TSGA10: variants seen among roughly 807,000 people sequenced by gnomAD.
TSGA10 encodes testis specific 10.
In TSGA10, 43 loss-of-function variants were observed where a neutral mutation model predicts 96.6. That is an observed-to-expected ratio of 0.44 (90% CI 0.35 to 0.57). The LOEUF (loss-of-function observed/expected upper bound fraction) is 0.57. Among genes scored for constraint, TSGA10 ranks in the 20% least tolerant of loss-of-function variants. The pLI is 0.01. For synonymous variants in TSGA10, 229 were observed against 269.9 expected, an observed-to-expected ratio of 0.85 and a Z score of 1.48; for missense variants, 703 against 834.4, an observed-to-expected ratio of 0.84 and a Z score of 1.94.
At chr2:99,094,307 A>G (rs1026714116) in intron 10 of TSGA10, among the ~76,000 whole-genome samples, 1 of 152,196 alleles carries the variant, frequency 6.6e-6, no homozygotes, top group African/African-American at 2.4e-5. Flanking sequence ...ATTATAGAAG[A>G]TAACATTGAA....
chr2:99,009,521 G>C lies in TSGA10; in HGVS notation c.2072+8679C>G, dbSNP rs770081438. Among the ~76,000 whole-genome samples, 3 of 140,016 alleles carry C rather than the reference G, an allele frequency of 2.1e-5. No individual in the cohort carries two copies. The East Asian group carries it at 6.3e-4, about 30-fold the overall frequency. The allele number at this position is 140,016 out of a possible 152,430, so 91.9% of individuals were successfully genotyped here. On this transcript the variant is annotated intron_variant, in intron 20 of 20. Coordinates refer to ENST00000393483, the MANE Select transcript of TSGA10 (RefSeq NM_025244.4). ...TGGGAGGCGGAGCTTGCAGTGAGCCGAGATCGCACCACTGCACTCCAGCCT... is the reference window on the plus strand; with the variant it reads ...TGGGAGGCGGAGCTTGCAGTGAGCCCAGATCGCACCACTGCACTCCAGCCT...
intron 10 of TSGA10, among the ~76,000 whole-genome samples, chr2:99,096,170 A>G (rs1462045830): frequency 6.6e-6 from 1 of 152,274 alleles, no homozygotes; most frequent in East Asian, 1.9e-4. Flanking sequence ...TACATTGTAA[A>G]TTAAAACATT....
In TSGA10 at chr2:99,104,027, C is replaced by G. The variant is rs200308706; in HGVS notation, c.551G>C (p.Arg184Thr). The G allele has an allele frequency of 3.1e-6, 5 of 1,614,040 alleles. No individual in the cohort carries two copies. In the East Asian group the frequency reaches 6.7e-5, roughly 22 times the overall value. ...TTCACTTTCGGTATCCATTGCCTTTCTTGCTAGTGATTTCATTTCTTTTTC... is the reference window on the plus strand; with the variant it reads ...TTCACTTTCGGTATCCATTGCCTTTGTTGCTAGTGATTTCATTTCTTTTTC... ...TVEKEMKSLA[R>T]KAMDTESELG... Residue 184 changes from arginine (R) to threonine (T), a missense_variant, in exon 10 of 21, where the codon AGA (arginine) becomes ACA (threonine). Physicochemically the swap from Arg to Thr is moderately conservative, Grantham distance 71. Coordinates refer to ENST00000393483, the MANE Select transcript of TSGA10 (RefSeq NM_025244.4).
intron 16 of TSGA10, among the ~76,000 whole-genome samples, chr2:99,059,053 T>A (rs1265432511): frequency 1.2e-4 from 14 of 112,070 alleles, no homozygotes; most frequent in African/African-American, 7.1e-4. Context: ...AAAAATAATA[T>A]ATATATATAT....
chr2:99,093,885 A>G (rs2089680977), intron 10 of TSGA10, among the ~76,000 whole-genome samples: 1 of 152,218 alleles, frequency 6.6e-6, no homozygotes, highest in African/African-American at 2.4e-5. Flanking sequence ...CTTTCTTCAC[A>G]GAACTAGAAA....
At chr2:99,072,947 C>T (rs952098694) in intron 13 of TSGA10, 71 bp downstream of exon 13, 5 of 1,067,488 alleles carry the variant, frequency 4.7e-6, no homozygotes, top group Admixed American at 3.8e-5. Context: ...TTGTTTCTTA[C>T]TATCTTTGTA....
intron 2 of TSGA10, among the ~76,000 whole-genome samples, chr2:99,120,499 G>C (rs1008246694): frequency 6.6e-6 from 1 of 152,094 alleles, no homozygotes; most frequent in African/African-American, 2.4e-5. Flanking sequence ...TTCTGTTAAA[G>C]GGACAGAATG....
intron 7 of TSGA10, among the ~76,000 whole-genome samples, chr2:99,108,414 G>C (rs1055123373): frequency 6.6e-6 from 1 of 152,088 alleles, no homozygotes; most frequent in East Asian, 1.9e-4. Context: ...CTAGAAAGCA[G>C]AGATAAACTA....
At position 99,071,790 on chromosome 2, in the gene TSGA10, G is replaced by T; in HGVS notation, c.1023C>A (p.Ala341=). 6.2e-7 allele frequency: 1 copy of T among 1,613,920 alleles called. No individual in the cohort carries two copies. Among genetic ancestry groups the T allele is most frequent in the South Asian group, 1.1e-5 (1 of 91,064 alleles). The change falls in exon 14 of 21, where the codon GCC becomes GCA. Residue 341 remains alanine (A), a synonymous_variant. Coordinates refer to ENST00000393483, the MANE Select transcript of TSGA10 (RefSeq NM_025244.4). Reference sequence around the variant, plus strand: ...AGATATCTCTTTCCCTGGCGATCTGGGCCAGCTCATCATTTGTCTCATCCA... The same window carrying T: ...AGATATCTCTTTCCCTGGCGATCTGTGCCAGCTCATCATTTGTCTCATCCA... The part of the protein sequence containing the change: ...RQLDETNDEL[A]QIARERDILA...
intron 10 of TSGA10, among the ~76,000 whole-genome samples, chr2:99,103,267 G>T (rs943054211): frequency 6.6e-6 from 1 of 151,924 alleles, no homozygotes; most frequent in African/African-American, 2.4e-5. Flanking sequence ...AGATCAACCC[G>T]TCACCTAGAT....
chr2:99,064,762 G>C (rs767928317), intron 16 of TSGA10, among the ~76,000 whole-genome samples, 177 bp downstream of exon 16: 31 of 152,134 alleles, frequency 2.0e-4, no homozygotes, highest in Non-Finnish European at 4.3e-4. Flanking sequence ...TCTGGATGTA[G>C]GGTAGATAAG....
chr2:99,109,368 T>C, intron 6 of TSGA10, 21 bp downstream of exon 6: 2 of 1,612,272 alleles, frequency 1.2e-6, no homozygotes, highest in Middle Eastern at 1.7e-4. Flanking sequence ...TCCAAAATAT[T>C]TGTAAGTTTA....
chr2:99,031,192 C>T (rs2081094898), intron 17 of TSGA10, among the ~76,000 whole-genome samples: 1 of 149,056 alleles, frequency 6.7e-6, no homozygotes, highest in South Asian at 2.1e-4. Context: ...ACAAATATAC[C>T]CAATTGATTT....
intron 2 of TSGA10, chr2:99,125,023 C>T (rs1479853268): frequency 6.6e-6 from 1 of 152,146 alleles, no homozygotes; most frequent in Non-Finnish European, 1.5e-5. Flanking sequence ...TTTCACTCCC[C>T]TAAAAATCCT....
intron 4 of TSGA10, among the ~76,000 whole-genome samples, chr2:99,113,886 A>G (rs1157868026): frequency 6.6e-6 from 1 of 152,136 alleles, no homozygotes; most frequent in Non-Finnish European, 1.5e-5. Context: ...AGTGAACCAG[A>G]ACAACCCAGC....
intron 20 of TSGA10, among the ~76,000 whole-genome samples, chr2:99,012,981 C>A (rs2079131136): frequency 6.6e-6 from 1 of 152,062 alleles, no homozygotes; most frequent in South Asian, 2.1e-4. Context: ...AAAGTATCTT[C>A]TTTTTTAACT....
intron 4 of TSGA10, among the ~76,000 whole-genome samples, chr2:99,111,486 T>A (rs111668042): frequency 1.8e-4 from 27 of 152,306 alleles, no homozygotes; most frequent in African/African-American, 5.5e-4. Flanking sequence ...GCTAATAGCA[T>A]ATTCACTTAA....
intron 1 of TSGA10, among the ~76,000 whole-genome samples, chr2:99,129,507 T>C (rs192025306): frequency 2.5e-4 from 38 of 152,314 alleles, no homozygotes; most frequent in Admixed American, 2.6e-4. Flanking sequence ...AGACCACAAG[T>C]CCACCTGACA....
intron 12 of TSGA10, among the ~76,000 whole-genome samples, chr2:99,075,608 T>G (rs2086615873): frequency 2.0e-5 from 3 of 152,204 alleles, no homozygotes; most frequent in Non-Finnish European, 4.4e-5. Flanking sequence ...CTCTGAGGTA[T>G]CATTATAGAG....
Sources: allele counts gnomAD v4.1 joint callset (sites outside exome capture counted in the v4.1 genomes callset), GRCh38; gene constraint gnomAD v4.1.1; transcripts MANE v1.5; gene names NCBI Gene and HGNC (gene_info 2026-07-23, HGNC 2026-07-21).